Variants in FAM120A observed in about 807,000 individuals in gnomAD.
FAM120A encodes the protein constitutive coactivator of PPAR-gamma-like protein 1.
Under a neutral mutation model 109.7 loss-of-function variants are expected in FAM120A, and 15 were observed. The ratio of observed to expected loss-of-function variants is 0.14; its 90% CI spans 0.09 to 0.21. FAM120A has a LOEUF of 0.21. FAM120A is among the 10% of genes least tolerant of loss of function. The pLI is 1.00. For synonymous variants in FAM120A, 493 were observed against 572.8 expected, an observed-to-expected ratio of 0.86 and a Z score of 1.99; for missense variants, 899 against 1,439.3, an observed-to-expected ratio of 0.62 and a Z score of 6.07.
At chr9:93,459,546 A>C (rs1238847111) in intron 1 of FAM120A, among the ~76,000 whole-genome samples, 1 of 152,236 alleles carries the variant, frequency 6.6e-6, no homozygotes, top group Non-Finnish European at 1.5e-5. Flanking sequence ...CAGGAAAGGA[A>C]GGAAACCTTC....
intron 1 of FAM120A, chr9:93,453,287 C>T (rs1204590778): frequency 1.1e-5 from 11 of 987,130 alleles, no homozygotes; most frequent in Non-Finnish European, 1.3e-5. Context: ...TCCTCTGGCC[C>T]TTTGGCAGAG....
chr9:93,529,271 G>T, intron 8 of FAM120A, 82 bp from the exon 9 acceptor site: 2 of 1,259,658 alleles, frequency 1.6e-6, no homozygotes, highest in Non-Finnish European at 2.2e-6. Flanking sequence ...TGTCTGTCAG[G>T]TGAACAGGCA....
intron 3 of FAM120A, among the ~76,000 whole-genome samples, chr9:93,484,566 C>T (rs1354307972): frequency 6.6e-6 from 1 of 152,108 alleles, no homozygotes; most frequent in Non-Finnish European, 1.5e-5. Context: ...TCTTTGCTAA[C>T]TGTGCTTTAT....
chr9:93,549,986 ATT>A (rs1280348331), intron 11 of FAM120A, among the ~76,000 whole-genome samples: 20 of 152,120 alleles, frequency 1.3e-4, no homozygotes, highest in African/African-American at 4.1e-4. Flanking sequence ...TTGGAGATTG[ATT>A]GTCCTTTAGC....
rs1380227811 is a variant in FAM120A at position 93,560,727 on chromosome 9, A to G, written c.2807-382A>G. ...AATACAGGCTAGATTTATTGATTCT[A>G]TGATGTTCAGTTAAGGTAGTAAACC... On this transcript the variant is annotated intron_variant, in intron 15 of 17. Coordinates refer to ENST00000277165, the MANE Select transcript of FAM120A (RefSeq NM_014612.5). Among the ~76,000 whole-genome samples the G allele has an allele frequency of 2.6e-5, 4 of 152,362 alleles. No individual in the cohort carries two copies. In the East Asian group the frequency reaches 5.8e-4, roughly 22 times the overall value.
chr9:93,522,299 A>G (rs769396147), intron 7 of FAM120A, among the ~76,000 whole-genome samples: 3 of 152,200 alleles, frequency 2.0e-5, no homozygotes, highest in Non-Finnish European at 4.4e-5. Flanking sequence ...AGAATTCCCC[A>G]TGATCCTACT....
At chr9:93,478,690 C>T (rs534334099) in intron 3 of FAM120A, among the ~76,000 whole-genome samples, 14 of 152,120 alleles carry the variant, frequency 9.2e-5, no homozygotes, top group Non-Finnish European at 1.9e-4. Context: ...TGTCCATATT[C>T]GTCTCGAACA....
intron 12 of FAM120A, among the ~76,000 whole-genome samples, chr9:93,551,909 C>T (rs187361709): frequency 1.4e-4 from 21 of 152,242 alleles, no homozygotes; most frequent in African/African-American, 4.8e-4. Flanking sequence ...TTTGAATTTA[C>T]GTTTCTGTTT....
chr9:93,494,831 A>T (rs1029694916), intron 3 of FAM120A, among the ~76,000 whole-genome samples: 27 of 152,124 alleles, frequency 1.8e-4, no homozygotes, highest in Non-Finnish European at 2.4e-4. Context: ...GTGATCGAGG[A>T]CTGGCCTCTG....
intron 1 of FAM120A, among the ~76,000 whole-genome samples, chr9:93,453,858 G>T (rs1857420016): frequency 6.6e-6 from 1 of 152,224 alleles, no homozygotes; most frequent in Admixed American, 6.5e-5. Context: ...GTCTTGTTCA[G>T]AGATGGAAAA....
In FAM120A at chr9:93,519,457, G is replaced by T. The variant is rs142023258; in HGVS notation, c.1418+3188G>T. 6.1e-3 allele frequency among the ~76,000 whole-genome samples: 926 copies of T among 152,246 alleles called. 11 individuals carry two copies. The highest frequency in any genetic ancestry group is 0.021 in the African/African-American group (877 of 41,532). On this transcript the variant is annotated intron_variant, in intron 7 of 17. Transcript: ENST00000277165. ...GAGGTTTCACCATGTTGGCCAGGCT[G>T]TTCTCAAACTCCTGACCTCAGGTGA... is the stretch of plus-strand genomic sequence containing the variant.
intron 3 of FAM120A, 75 bp from the exon 4 acceptor site, chr9:93,497,396 C>A (rs1859618125): frequency 1.3e-6 from 2 of 1,566,588 alleles, no homozygotes; most frequent in East Asian, 4.5e-5. Context: ...TGTTGAATTT[C>A]TGGCTCCTGC....
At chr9:93,538,036 ACT>A (rs775688913) in intron 10 of FAM120A, among the ~76,000 whole-genome samples, 1 of 135,080 alleles carries the variant, frequency 7.4e-6, no homozygotes, top group Non-Finnish European at 1.7e-5. Flanking sequence ...AAGTCCTTGT[ACT>A]CTTTTTTTTT....
chr9:93,561,079 A>G, intron 15 of FAM120A, 30 bp from the exon 16 acceptor site: 3 of 1,609,272 alleles, frequency 1.9e-6, no homozygotes, highest in Middle Eastern at 2.0e-4. Flanking sequence ...GATTGTAAAG[A>G]TTTTGTCTTT....
chr9:93,461,389 T>G lies in FAM120A; in HGVS notation c.474+9000T>G, dbSNP rs75924057. 6.6e-3 allele frequency among the ~76,000 whole-genome samples: 1,000 copies of G among 152,312 alleles called. 14 individuals are homozygous for G. Among genetic ancestry groups the G allele is most frequent in the African/African-American group, 0.023 (965 of 41,554 alleles). On this transcript the variant is annotated intron_variant, in intron 1 of 17. Transcript: ENST00000277165. ...ACTAGACTCCATGGATGAGGTGTTTTAATTTCCTGGACCTATGAAGAGTTT... is the reference window on the plus strand; with the variant it reads ...ACTAGACTCCATGGATGAGGTGTTTGAATTTCCTGGACCTATGAAGAGTTT...
chr9:93,467,503 A>T (rs1384918757), intron 1 of FAM120A, among the ~76,000 whole-genome samples: 1 of 152,058 alleles, frequency 6.6e-6, no homozygotes, highest in Non-Finnish European at 1.5e-5. Flanking sequence ...GCAGAGCTGG[A>T]GCGTAGACTC....
intron 5 of FAM120A, among the ~76,000 whole-genome samples, chr9:93,499,304 G>A (rs1011239778): frequency 7.3e-6 from 1 of 136,874 alleles, no homozygotes; most frequent in African/African-American, 2.8e-5. Context: ...CTTTTTTGTT[G>A]TTGAGCAGAG....
Position 93,564,604 on chromosome 9 carries a change from A to C in FAM120A, c.*64A>C, listed in dbSNP as rs1278062684. The C allele has an allele frequency of 1.5e-6, 2 of 1,358,840 alleles. No homozygotes were observed. Among genetic ancestry groups the C allele is most frequent in the African/African-American group, 2.9e-5 (2 of 68,596 alleles). 84.2% of individuals were successfully genotyped at this position (1,358,840 alleles called of 1,614,324 possible). Reference sequence around the variant, plus strand: ...AAGGATTTAGGAATATCTGGAGAGAAAGAGAGCCTGCAGTTATGTACATTT... The same window carrying C: ...AAGGATTTAGGAATATCTGGAGAGACAGAGAGCCTGCAGTTATGTACATTT... On this transcript the variant is annotated 3_prime_UTR_variant, in exon 18 of 18. Coordinates refer to ENST00000277165, the MANE Select transcript of FAM120A (RefSeq NM_014612.5).
intron 3 of FAM120A, among the ~76,000 whole-genome samples, chr9:93,479,973 G>T (rs1413905072): frequency 1.3e-5 from 2 of 152,224 alleles, no homozygotes; most frequent in Non-Finnish European, 2.9e-5. Flanking sequence ...TATCTGCAGA[G>T]AGGAAAGCTA....
Sources: allele counts gnomAD v4.1 joint callset (sites outside exome capture counted in the v4.1 genomes callset), GRCh38; gene constraint gnomAD v4.1.1; transcripts MANE v1.5; gene names NCBI Gene and HGNC (gene_info 2026-07-23, HGNC 2026-07-21).